IL1RAPL1: variants seen among roughly 807,000 people sequenced by gnomAD.
IL1RAPL1 encodes interleukin-1 receptor accessory protein-like 1.
A neutral mutation model predicts 48.4 loss-of-function variants in IL1RAPL1; 3 were observed. The ratio of observed to expected loss-of-function variants is 0.06; its 90% CI spans 0.03 to 0.16. The LOEUF is 0.16. Ranked by LOEUF, IL1RAPL1 falls within the 10% of genes least tolerant of loss-of-function variation. IL1RAPL1 has a pLI of 1.00. For synonymous variants in IL1RAPL1, 185 were observed against 187.7 expected (o/e 0.99, Z 0.12); for missense variants, 349 against 530.6 (o/e 0.66, Z 3.36).
At chrX:29,893,330 G>A (rs1173008715) in intron 6 of IL1RAPL1, among the ~76,000 whole-genome samples, 2 of 111,351 alleles carry the variant, frequency 1.8e-5, no homozygotes, top group Non-Finnish European at 3.8e-5. Flanking sequence ...AGCTGTCTCA[G>A]GGGCCTAAAT....
At chrX:29,095,519 T>A (rs1300157144) in intron 2 of IL1RAPL1, among the ~76,000 whole-genome samples, 1 of 111,957 alleles carries the variant, frequency 8.9e-6, no homozygotes, top group Admixed American at 9.6e-5. Context: ...ACAAAGCCCA[T>A]TAATCCATGC....
intron 1 of IL1RAPL1, among the ~76,000 whole-genome samples, chrX:28,700,533 C>CT (rs1363097314): frequency 1.7e-3 from 166 of 100,408 alleles, no homozygotes; most frequent in East Asian, 0.016. Flanking sequence ...AACCTCTACT[C>CT]TTTTTTTTTT....
chrX:29,788,103 T>TTGTG (rs61302840), intron 6 of IL1RAPL1, among the ~76,000 whole-genome samples: 1 of 108,476 alleles, frequency 9.2e-6, no homozygotes, highest in African/African-American at 3.4e-5. Context: ...ATGATTTAAA[T>TTGTG]TGTGTGTGTG....
At chrX:29,217,465 G>T (rs751706585) in intron 2 of IL1RAPL1, among the ~76,000 whole-genome samples, 1 of 111,794 alleles carries the variant, frequency 8.9e-6, no homozygotes, top group Non-Finnish European at 1.9e-5. Context: ...TTCCCATTTT[G>T]CTATTTATTT....
chrX:29,847,296 T>C (rs1381314503), intron 6 of IL1RAPL1, among the ~76,000 whole-genome samples: 3 of 111,827 alleles, frequency 2.7e-5, no homozygotes, highest in African/African-American at 9.7e-5. Context: ...CATGGCCTAC[T>C]AAATTATCAT....
chrX:29,562,034 T>TTCTA (rs61324448), intron 5 of IL1RAPL1, among the ~76,000 whole-genome samples: 1,493 of 92,796 alleles, frequency 0.016, 27 homozygotes, highest in East Asian at 0.037. Context: ...TCTTTTTCAA[T>TTCTA]TCTATCTATC....
chrX:28,897,839 G>A lies in IL1RAPL1; in HGVS notation c.82+108414G>A, dbSNP rs772098947. 3.1e-3 allele frequency among the ~76,000 whole-genome samples: 350 copies of A among 111,477 alleles called. 3 individuals carry two copies. The highest frequency in any genetic ancestry group is 5.6e-3 in the Non-Finnish European group (297 of 53,053). ...CAGGGAAGGGAGTTGGGGTGGGGCT[G>A]TTTTATAAGATTTGGGTAGGTAAAG... On this transcript the variant is annotated intron_variant, in intron 2 of 10. Coordinates refer to ENST00000378993, the MANE Select transcript of IL1RAPL1 (RefSeq NM_014271.4).
At chrX:28,790,562 A>G (rs1160408918) in intron 2 of IL1RAPL1, among the ~76,000 whole-genome samples, 3 of 112,758 alleles carry the variant, frequency 2.7e-5, no homozygotes, top group African/African-American at 9.7e-5. Flanking sequence ...TGCATGGTTG[A>G]AAGTTAAAAA....
intron 2 of IL1RAPL1, among the ~76,000 whole-genome samples, chrX:28,881,154 A>G (rs1399000217): frequency 9.0e-6 from 1 of 111,182 alleles, no homozygotes. Flanking sequence ...TCTACCTAGG[A>G]TTTCTGACTA....
At chrX:28,692,893 C>G (rs920703353) in intron 1 of IL1RAPL1, among the ~76,000 whole-genome samples, 1 of 111,229 alleles carries the variant, frequency 9.0e-6, no homozygotes, top group African/African-American at 3.3e-5. Flanking sequence ...TTTAAATTGA[C>G]AAATCATACT....
At chrX:29,606,135 G>A (rs774902266) in intron 5 of IL1RAPL1, among the ~76,000 whole-genome samples, 24 of 111,572 alleles carry the variant, frequency 2.2e-4, no homozygotes, top group Non-Finnish European at 3.6e-4. Flanking sequence ...TTCTTTGGAT[G>A]TTTAAGAAAA....
intron 3 of IL1RAPL1, among the ~76,000 whole-genome samples, chrX:29,395,791 C>T (rs1028965447): frequency 7.1e-5 from 8 of 112,156 alleles, no homozygotes; most frequent in African/African-American, 2.6e-4. Context: ...ATGTGTTCTG[C>T]CCAGACTCAG....
intron 1 of IL1RAPL1, among the ~76,000 whole-genome samples, chrX:28,769,026 C>G (rs1445250633): frequency 1.9e-5 from 2 of 107,120 alleles, no homozygotes; most frequent in East Asian, 5.8e-4. Flanking sequence ...AATCAGCAGT[C>G]TCAAATGAGT....
chrX:29,140,791 G>A (rs149589815), intron 2 of IL1RAPL1, among the ~76,000 whole-genome samples: 32 of 111,224 alleles, frequency 2.9e-4, no homozygotes, highest in Non-Finnish European at 5.3e-4. Context: ...GTCCTCACAT[G>A]GTGGAAGGGC....
At chrX:29,459,619 T>C (rs1453158040) in intron 5 of IL1RAPL1, among the ~76,000 whole-genome samples, 1 of 111,843 alleles carries the variant, frequency 8.9e-6, no homozygotes, top group East Asian at 2.8e-4. Flanking sequence ...TGAGGTAAAC[T>C]GTAACATTCT....
chrX:29,823,423 C>T (rs1292182665), intron 6 of IL1RAPL1, among the ~76,000 whole-genome samples: 1 of 111,947 alleles, frequency 8.9e-6, no homozygotes, highest in Non-Finnish European at 1.9e-5. Flanking sequence ...AAAGCTACCT[C>T]ACTTTTCTGG....
At chrX:29,409,844 TGGAGTTTCACTCTTGTTGCCCAGGCTG>T (rs1934119031) in intron 5 of IL1RAPL1, among the ~76,000 whole-genome samples, 3 of 92,135 alleles carry the variant, frequency 3.3e-5, no homozygotes, top group Non-Finnish European at 6.5e-5. Flanking sequence ...TTTTTTGAGA[TGGAGTTTCACTCTTGTTGCCCAGGCTG>T]GAGTACAATG....
At chrX:28,967,813 A>G (rs1022063302) in intron 2 of IL1RAPL1, among the ~76,000 whole-genome samples, 2 of 112,453 alleles carry the variant, frequency 1.8e-5, no homozygotes, top group Non-Finnish European at 3.8e-5. Flanking sequence ...AAGTGGAAAA[A>G]GTCTTCCACC....
At chrX:29,255,142 C>CGTGTGTGTGT (rs200536177) in intron 2 of IL1RAPL1, among the ~76,000 whole-genome samples, 1 of 62,407 alleles carries the variant, frequency 1.6e-5, no homozygotes, top group African/African-American at 4.0e-5. Context: ...TGTGTGTGTG[C>CGTGTGTGTGT]GTGTGTGTGT....
Sources: allele counts gnomAD v4.1 joint callset (sites outside exome capture counted in the v4.1 genomes callset), GRCh38; gene constraint gnomAD v4.1.1; transcripts MANE v1.5; gene names NCBI Gene and HGNC (gene_info 2026-07-23, HGNC 2026-07-21).